MTO1: variants seen among roughly 807,000 people sequenced by gnomAD.
MTO1 encodes the protein mitochondrial tRNA translation optimization 1.
In MTO1, 46 loss-of-function variants were observed where a neutral mutation model predicts 71.6. The ratio of observed to expected loss-of-function variants is 0.64; its 90% confidence interval spans 0.51 to 0.82. MTO1 has a LOEUF of 0.82. MTO1 is among the 40% of genes least tolerant of loss of function. MTO1 has a pLI of 0.00. For synonymous variants in MTO1, 297 were observed against 312.1 expected, an observed-to-expected ratio of 0.95 and a Z score of 0.51; for missense variants, 773 against 867.5, an observed-to-expected ratio of 0.89 and a Z score of 1.37.
intron 7 of MTO1, 152 bp downstream of exon 7, chr6:73,480,957 G>A: frequency 2.4e-6 from 1 of 418,902 alleles, no homozygotes; most frequent in Non-Finnish European, 4.1e-6. Flanking sequence ...GATGGCTTTT[G>A]TAGATAATAG....
chr6:73,493,104 C>T (rs1318637433), intron 10 of MTO1, among the ~76,000 whole-genome samples: 1 of 150,196 alleles, frequency 6.7e-6, no homozygotes, highest in Non-Finnish European at 1.5e-5. Context: ...AAGTGATTCT[C>T]CTGCCTCAGC....
intron 3 of MTO1, among the ~76,000 whole-genome samples, chr6:73,470,957 GAA>G (rs1009870804): frequency 6.8e-6 from 1 of 147,286 alleles, no homozygotes; most frequent in African/African-American, 2.5e-5. Context: ...TGTCTCAATA[GAA>G]AAAAAAAAGA....
chr6:73,461,886 T>TCG lies in MTO1; in HGVS notation c.35_36dup (p.Val13ArgfsTer14). On this transcript the variant is annotated frameshift_variant, in exon 1 of 12. Transcript: ENST00000498286. LOFTEE classifies it high-confidence loss of function. ...TACTTCCGAGGCTGTGGCCGTTGGG[T>TCG]CGCGGTTTCCTTCACCAAGCAGCAA... 6.2e-7 allele frequency: 1 copy of TCG among 1,613,982 alleles called. No homozygotes were observed. Among genetic ancestry groups the TCG allele is most frequent in the South Asian group, 1.1e-5 (1 of 91,086 alleles).
rs996227901 is a variant in MTO1 at position 73,507,464 on chromosome 6, A to T, written c.*6729A>T. ...GATCTGTGTATTCCTCAGAGTAAGA[A>T]TTTTTCTAAAAAGTTTTTAAAAACT... On this transcript the variant is annotated 3_prime_UTR_variant, in exon 12 of 12. Coordinates refer to ENST00000498286, the MANE Select transcript of MTO1 (RefSeq NM_012123.4). 1.3e-5 allele frequency: 2 copies of T among 152,232 alleles called. No individual in the cohort carries two copies. The highest frequency in any genetic ancestry group is 1.3e-4 in the Admixed American group (2 of 15,278). The allele number at this position is 152,232 out of a possible 1,614,324, so 9.4% of individuals were successfully genotyped here. A position where few individuals can be genotyped will look rare whatever the true frequency, so the allele number is the denominator to read the frequency against.
In MTO1 at chr6:73,488,270, C is replaced by T. The variant is rs1048148965; in HGVS notation, c.1638-3964C>T. On this transcript the variant is annotated intron_variant, in intron 9 of 11. Coordinates refer to ENST00000498286, the MANE Select transcript of MTO1 (RefSeq NM_012123.4). ...CTCACTGCAGCCTCAAGCTCCATGA[C>T]TCAGGTGATCCTCCCACCTCAGCCT... is the stretch of plus-strand genomic sequence containing the variant. Among the ~76,000 whole-genome samples the T allele has an allele frequency of 5.9e-5, 9 of 152,134 alleles. No homozygotes were observed. The South Asian group carries it at 1.9e-3, about 32-fold the overall frequency.
intron 1 of MTO1, chr6:73,464,115 T>C (rs539866859): frequency 1.3e-5 from 2 of 152,156 alleles, no homozygotes; most frequent in Non-Finnish European, 1.5e-5. Flanking sequence ...TGGAATGATA[T>C]AGGGATTAGC....
At chr6:73,467,254 C>A (rs1771025318) in intron 3 of MTO1, among the ~76,000 whole-genome samples, 1 of 151,982 alleles carries the variant, frequency 6.6e-6, no homozygotes, top group African/African-American at 2.4e-5. Flanking sequence ...GTTGAGACTT[C>A]AGTGAGCTGT....
chr6:73,473,926 C>G (rs1485182722), intron 4 of MTO1, among the ~76,000 whole-genome samples: 1 of 151,386 alleles, frequency 6.6e-6, no homozygotes, highest in Non-Finnish European at 1.5e-5. Flanking sequence ...TAGCTGAGAC[C>G]ATAGGCATGA....
At chr6:73,482,363 G>A (rs1771527592) in intron 8 of MTO1, 86 bp from the exon 9 acceptor site, 4 of 1,537,888 alleles carry the variant, frequency 2.6e-6, no homozygotes, top group Non-Finnish European at 1.8e-6. Flanking sequence ...GGACTAGCCT[G>A]GGCAACATAG....
In MTO1 at chr6:73,466,383, G is replaced by T; in HGVS notation, c.392G>T (p.Arg131Met). 1 of 1,614,140 alleles carries T rather than the reference G, an allele frequency of 6.2e-7. No individual in the cohort carries two copies. Among genetic ancestry groups the T allele is most frequent in the Non-Finnish European group, 8.5e-7 (1 of 1,180,028 alleles). ...AVWGLRAQID[R>M]KLYKQNMQKE... The stretch of plus-strand genomic sequence containing the variant: ...TGGGGTCTGAGAGCTCAGATTGATA[G>T]GAAACTCTATAAACAGAACATGCAG... The change falls in exon 2 of 12, where the codon AGG becomes ATG. Residue 131 changes from arginine to methionine, a missense_variant. Coordinates refer to ENST00000498286, the MANE Select transcript of MTO1 (RefSeq NM_012123.4).
chr6:73,465,383 CA>C (rs541311063), intron 1 of MTO1, among the ~76,000 whole-genome samples: 30 of 152,008 alleles, frequency 2.0e-4, no homozygotes, highest in Non-Finnish European at 3.7e-4. Context: ...AGGGTGGTCT[CA>C]AACTTCTGAG....
At chr6:73,463,497 T>C (rs1770886759) in intron 1 of MTO1, among the ~76,000 whole-genome samples, 1 of 152,126 alleles carries the variant, frequency 6.6e-6, no homozygotes, top group African/African-American at 2.4e-5. Flanking sequence ...TATGTATACT[T>C]TTGTCTTTCC....
Position 73,503,235 on chromosome 6 carries a change from A to G in MTO1, c.*2500A>G, listed in dbSNP as rs1001807913. 2.6e-5 allele frequency: 4 copies of G among 152,112 alleles called. No homozygotes were observed. Among genetic ancestry groups the G allele is most frequent in the African/African-American group, 9.7e-5 (4 of 41,416 alleles). The allele number at this position is 152,112 out of a possible 1,614,324, so 9.4% of individuals were successfully genotyped here. On this transcript the variant is annotated 3_prime_UTR_variant, in exon 12 of 12. Coordinates refer to ENST00000498286, the MANE Select transcript of MTO1 (RefSeq NM_012123.4). ...GTGATCCTTATGCCTCAGCCTCCCA[A>G]GTGGCTGGGACTACAGGCACATGCC...
intron 6 of MTO1, 145 bp from the exon 7 acceptor site, chr6:73,480,530 A>G (rs372441067): frequency 5.7e-6 from 6 of 1,048,874 alleles, no homozygotes; most frequent in African/African-American, 4.8e-5. Flanking sequence ...TTGGCCCCCC[A>G]AAGTGCTGAG....
At chr6:73,499,907 C>T (rs1772105744) in intron 11 of MTO1, among the ~76,000 whole-genome samples, 1 of 152,214 alleles carries the variant, frequency 6.6e-6, no homozygotes, top group Non-Finnish European at 1.5e-5. Flanking sequence ...AAATGTGGGG[C>T]GCTGCCCCAC....
chr6:73,485,708 T>C (rs185313038), intron 9 of MTO1, among the ~76,000 whole-genome samples: 3 of 152,368 alleles, frequency 2.0e-5, no homozygotes, highest in Non-Finnish European at 4.4e-5. Context: ...CCCAAAGTGC[T>C]GGGATTACAG....
chr6:73,473,238 C>T, intron 3 of MTO1, 127 bp from the exon 4 acceptor site: 3 of 1,023,476 alleles, frequency 2.9e-6, no homozygotes, highest in Non-Finnish European at 4.1e-6. Context: ...GACATTGCAC[C>T]ACTGCCCTCC....
intron 1 of MTO1, 115 bp downstream of exon 1, chr6:73,462,186 C>T: frequency 1.7e-6 from 2 of 1,178,700 alleles, no homozygotes; most frequent in East Asian, 2.5e-5. Flanking sequence ...GAGAATCCTA[C>T]CTTCTGTGGT....
chr6:73,508,431 A>C lies in MTO1; in HGVS notation c.*7696A>C, dbSNP rs1014577950. 1 of 152,210 alleles carries C rather than the reference A, an allele frequency of 6.6e-6. No individual in the cohort carries two copies. Among genetic ancestry groups the C allele is most frequent in the South Asian group, 2.1e-4 (1 of 4,838 alleles). The allele number at this position is 152,210 out of a possible 1,614,324, so 9.4% of individuals were successfully genotyped here. On this transcript the variant is annotated 3_prime_UTR_variant, in exon 12 of 12. Transcript: ENST00000498286. ...AGTAAATTAAGATACATAAAAAAAA[A>C]CACTGGCTAAATTTAAAAGGAAACA...
Sources: allele counts gnomAD v4.1 joint callset (sites outside exome capture counted in the v4.1 genomes callset), GRCh38; gene constraint gnomAD v4.1.1; transcripts MANE v1.5; gene names NCBI Gene and HGNC (gene_info 2026-07-23, HGNC 2026-07-21).